ROBO2: variants seen among roughly 807,000 people sequenced by gnomAD.
ROBO2 encodes the protein roundabout guidance receptor 2.
Under a neutral mutation model 160.8 loss-of-function variants are expected in ROBO2, and 53 were observed. The observed-to-expected ratio is 0.33, with a 90% confidence interval of 0.26 to 0.41. ROBO2 has a LOEUF of 0.41. Ranked by LOEUF, ROBO2 falls within the 10% of genes least tolerant of loss-of-function variation. The pLI is 1.00. For missense variants in ROBO2, 1,577 were observed against 1,722.4 expected (o/e 0.92, Z 1.49); for synonymous variants, 664 against 611.7 (o/e 1.09, Z -1.26).
At chr3:76,449,308 C>T (rs1310384824) in intron 2 of ROBO2, among the ~76,000 whole-genome samples, 3 of 151,762 alleles carry the variant, frequency 2.0e-5, no homozygotes, top group Non-Finnish European at 4.4e-5. Context: ...TTTCTCTCTC[C>T]CCTTCATTTT....
intron 1 of ROBO2, among the ~76,000 whole-genome samples, chr3:75,931,492 C>T (rs1319815942): frequency 6.6e-6 from 1 of 152,058 alleles, no homozygotes; most frequent in African/African-American, 2.4e-5. Flanking sequence ...GCTGGGACTA[C>T]AAGCACACAC....
intron 2 of ROBO2, among the ~76,000 whole-genome samples, chr3:77,179,023 T>C (rs1203644219): frequency 1.3e-5 from 2 of 152,104 alleles, no homozygotes; most frequent in Non-Finnish European, 2.9e-5. Flanking sequence ...GGTAGGTATG[T>C]ACTAACATAT....
rs138996245 is a variant in ROBO2 at position 76,979,744 on chromosome 3, T to TACACAC, written c.110-118249_110-118244dup. 3.1e-4 allele frequency among the ~76,000 whole-genome samples: 46 copies of TACACAC among 147,570 alleles called. No individual in the cohort carries two copies. The South Asian group carries it at 3.3e-3, about 11-fold the overall frequency. On this transcript the variant is annotated intron_variant, in intron 2 of 26. Coordinates refer to the ROBO2 transcript ENST00000487694. ...AGTAACATCTTCCAATTACTTTTCT[T>TACACAC]ACACACACACACACACACACACACA...
At chr3:76,151,250 T>C (rs555778405) in intron 2 of ROBO2, among the ~76,000 whole-genome samples, 1 of 152,158 alleles carries the variant, frequency 6.6e-6, no homozygotes, top group African/African-American at 2.4e-5. Flanking sequence ...GCTAGTTTCC[T>C]ATAATGCTCA....
At chr3:76,932,762 A>C (rs1476310441) in intron 2 of ROBO2, among the ~76,000 whole-genome samples, 1 of 152,198 alleles carries the variant, frequency 6.6e-6, no homozygotes, top group Non-Finnish European at 1.5e-5. Context: ...ATAACCTTTC[A>C]CATGTTCACT....
intron 2 of ROBO2, among the ~76,000 whole-genome samples, chr3:76,393,883 A>G (rs533966940): frequency 6.6e-6 from 1 of 152,284 alleles, no homozygotes; most frequent in South Asian, 2.1e-4. Flanking sequence ...ATAAGTGTGA[A>G]ATTGTAAGTA....
chr3:76,413,242 T>A (rs1303534189), intron 2 of ROBO2, among the ~76,000 whole-genome samples: 1 of 152,164 alleles, frequency 6.6e-6, no homozygotes, highest in Non-Finnish European at 1.5e-5. Flanking sequence ...GATGTGAGGG[T>A]CTTCTGTGAA....
At chr3:77,398,496 A>G (rs1265678439) in intron 2 of ROBO2, among the ~76,000 whole-genome samples, 2 of 152,160 alleles carry the variant, frequency 1.3e-5, no homozygotes, top group Non-Finnish European at 2.9e-5. Flanking sequence ...CTTACATGGA[A>G]AAAAATCATT....
chr3:76,286,389 C>T (rs1708506279), intron 2 of ROBO2, among the ~76,000 whole-genome samples: 1 of 152,162 alleles, frequency 6.6e-6, no homozygotes, highest in Admixed American at 6.6e-5. Context: ...TTGTGGGAAA[C>T]TGATACAGTG....
chr3:76,674,598 T>TCACACGCACACA (rs1553863150), intron 2 of ROBO2, among the ~76,000 whole-genome samples: 1 of 148,068 alleles, frequency 6.8e-6, no homozygotes, highest in African/African-American at 2.5e-5. Context: ...ACCTCCTAGT[T>TCACACGCACACA]CACACACACA....
intron 2 of ROBO2, among the ~76,000 whole-genome samples, chr3:76,197,119 AGTCTCTCT>A: frequency 6.6e-6 from 1 of 151,654 alleles, no homozygotes; most frequent in Non-Finnish European, 1.5e-5. Flanking sequence ...TGAGCTAATC[AGTCTCTCT>A]ATAGATTTGG....
At chr3:75,935,146 A>G (rs1235027858) in intron 1 of ROBO2, among the ~76,000 whole-genome samples, 3 of 152,198 alleles carry the variant, frequency 2.0e-5, no homozygotes, top group Admixed American at 6.5e-5. Context: ...CTCTAATTAT[A>G]TCAGTAATTT....
At chr3:76,435,138 C>A (rs2076612412) in intron 2 of ROBO2, 2 of 988,942 alleles carry the variant, frequency 2.0e-6, no homozygotes, top group Non-Finnish European at 1.6e-6. Flanking sequence ...GAAGCTTGGT[C>A]TGGTATTTGA....
chr3:76,444,217 A>T (rs559319295), intron 2 of ROBO2, among the ~76,000 whole-genome samples: 4 of 151,998 alleles, frequency 2.6e-5, no homozygotes, highest in Non-Finnish European at 5.9e-5. Flanking sequence ...TGACCTAGTG[A>T]TCCACCCGCC....
At chr3:77,024,633 GAACT>G (rs1047862389) in intron 2 of ROBO2, among the ~76,000 whole-genome samples, 2 of 152,162 alleles carry the variant, frequency 1.3e-5, no homozygotes, top group African/African-American at 2.4e-5. Context: ...CACACTGAGA[GAACT>G]AACTAAGAGT....
chr3:76,214,376 C>A (rs886159822), intron 2 of ROBO2, among the ~76,000 whole-genome samples: 3 of 152,280 alleles, frequency 2.0e-5, no homozygotes, highest in African/African-American at 7.2e-5. Context: ...TTGCCTCACC[C>A]AGGAAGCACA....
chr3:77,506,075 A>G (rs1445172144), intron 5 of ROBO2, among the ~76,000 whole-genome samples: 1 of 152,142 alleles, frequency 6.6e-6, no homozygotes, highest in Admixed American at 6.5e-5. Flanking sequence ...CACAGGAAAC[A>G]TGGTAACAAA....
chr3:77,307,323 T>C (rs1454400653), intron 2 of ROBO2, among the ~76,000 whole-genome samples: 2 of 152,212 alleles, frequency 1.3e-5, no homozygotes, highest in Non-Finnish European at 2.9e-5. Context: ...TGGAAAATTA[T>C]ACATTAGATA....
At chr3:77,525,336 A>G (rs531890676) in intron 6 of ROBO2, among the ~76,000 whole-genome samples, 86 of 150,466 alleles carry the variant, frequency 5.7e-4, no homozygotes, top group Non-Finnish European at 1.2e-3. Flanking sequence ...TAACATTCAC[A>G]TTAGCCAATT....
Sources: gnomAD v4.1 joint callset for allele counts (sites outside exome capture counted in the v4.1 genomes callset) on GRCh38, gnomAD v4.1.1 for gene constraint, MANE v1.5 for transcripts, NCBI Gene and HGNC (gene_info 2026-07-23, HGNC 2026-07-21) for gene names.